Variants in ATL2 observed in about 807,000 individuals in gnomAD.
ATL2 encodes atlastin GTPase 2, also known as atlastin-2.
Under a neutral mutation model 73.9 loss-of-function variants are expected in ATL2, and 31 were observed. That is an observed-to-expected ratio of 0.42 (90% CI 0.32 to 0.57). The LOEUF (loss-of-function observed/expected upper bound fraction) is 0.57. Among genes scored for constraint, ATL2 ranks in the 20% least tolerant of loss-of-function variants. The pLI is 0.14. For synonymous variants in ATL2, 291 were observed against 237.5 expected, an observed-to-expected ratio of 1.23 and a Z score of -2.07; for missense variants, 738 against 702.6, an observed-to-expected ratio of 1.05 and a Z score of -0.57.
At chr2:38,299,216 C>A in intron 11 of ATL2, 40 bp downstream of exon 11, 1 of 1,446,710 alleles carries the variant, frequency 6.9e-7, no homozygotes. Context: ...ATTTAAAAAT[C>A]TTCTCACTCC....
At chr2:38,348,453 C>T (rs991296616) in intron 1 of ATL2, among the ~76,000 whole-genome samples, 1 of 146,954 alleles carries the variant, frequency 6.8e-6, no homozygotes, top group Non-Finnish European at 1.5e-5. Flanking sequence ...GCAACAAGAG[C>T]GAAACTCCAT....
At chr2:38,327,413 T>G (rs1668725640) in intron 2 of ATL2, among the ~76,000 whole-genome samples, 1 of 151,056 alleles carries the variant, frequency 6.6e-6, no homozygotes, top group Admixed American at 6.6e-5. Context: ...CATTGCAAAC[T>G]CCAGGCAGCC....
intron 2 of ATL2, among the ~76,000 whole-genome samples, chr2:38,321,481 C>G (rs997301536): frequency 6.6e-6 from 1 of 152,108 alleles, no homozygotes; most frequent in Non-Finnish European, 1.5e-5. Context: ...ATTATTTTGA[C>G]ACTCCCCGGA....
chr2:38,300,402 AT>A, intron 9 of ATL2, 74 bp from the exon 10 acceptor site: 1 of 1,018,472 alleles, frequency 9.8e-7, no homozygotes, highest in Non-Finnish European at 1.5e-6. Flanking sequence ...AAGAAAAGTC[AT>A]TAAATATAAA....
At chr2:38,334,163 G>A (rs1018227711) in intron 2 of ATL2, among the ~76,000 whole-genome samples, 2 of 151,044 alleles carry the variant, frequency 1.3e-5, no homozygotes, top group East Asian at 2.0e-4. Context: ...CTGAGTAGCT[G>A]AGATTACAGG....
At chr2:38,330,216 TAAA>T (rs57775676) in intron 2 of ATL2, among the ~76,000 whole-genome samples, 1 of 122,586 alleles carries the variant, frequency 8.2e-6, no homozygotes, top group Admixed American at 8.2e-5. Flanking sequence ...ATTCAGGATT[TAAA>T]AAAAAAAAAA....
intron 2 of ATL2, among the ~76,000 whole-genome samples, chr2:38,323,349 GT>G (rs1229668962): frequency 5.2e-4 from 39 of 75,266 alleles, no homozygotes; most frequent in Middle Eastern, 8.9e-3. Flanking sequence ...ATCACCAGAA[GT>G]TTTTTTTTTT....
intron 1 of ATL2, among the ~76,000 whole-genome samples, chr2:38,368,018 T>G (rs1179503961): frequency 2.7e-5 from 4 of 150,106 alleles, no homozygotes; most frequent in African/African-American, 9.9e-5. Context: ...CACTGCAAGC[T>G]CCACCTTCCG....
chr2:38,299,735 C>T (rs767761681), intron 10 of ATL2, among the ~76,000 whole-genome samples: 12 of 152,108 alleles, frequency 7.9e-5, no homozygotes, highest in Admixed American at 7.2e-4. Flanking sequence ...GAAGTTTTAT[C>T]GGCAAATACT....
intron 8 of ATL2, 27 bp from the exon 9 acceptor site, chr2:38,309,533 A>G (rs1667633877): frequency 6.3e-6 from 10 of 1,595,382 alleles, no homozygotes; most frequent in East Asian, 2.2e-5. Context: ...TGAGCAACAT[A>G]TTAGTCCAAA....
intron 1 of ATL2, among the ~76,000 whole-genome samples, chr2:38,361,021 C>G (rs1670982916): frequency 6.6e-6 from 1 of 151,832 alleles, no homozygotes; most frequent in Non-Finnish European, 1.5e-5. Flanking sequence ...TAAATATTTA[C>G]ATATGGATAA....
At chr2:38,348,142 T>C (rs1446628096) in intron 1 of ATL2, among the ~76,000 whole-genome samples, 2 of 152,020 alleles carry the variant, frequency 1.3e-5, no homozygotes, top group Non-Finnish European at 2.9e-5. Context: ...TCAAGAGTAT[T>C]AAGTATACGT....
chr2:38,319,905 C>A (rs889715908), intron 2 of ATL2, among the ~76,000 whole-genome samples: 2 of 151,454 alleles, frequency 1.3e-5, no homozygotes, highest in Non-Finnish European at 2.9e-5. Flanking sequence ...GTCAGGAGTT[C>A]GAGACCAGCC....
At chr2:38,366,961 G>A (rs1671364224) in intron 1 of ATL2, among the ~76,000 whole-genome samples, 1 of 151,976 alleles carries the variant, frequency 6.6e-6, no homozygotes, top group Non-Finnish European at 1.5e-5. Context: ...ATAACTTTGT[G>A]CACTTAGTAC....
Position 38,319,036 on chromosome 2 carries a change from T to A in ATL2, c.364-17A>T. On this transcript the variant is annotated splice_polypyrimidine_tract_variant and intron_variant, in intron 2 of 12. Coordinates refer to ENST00000378954, the MANE Select transcript of ATL2 (RefSeq NM_001135673.4). Reference sequence around the variant, plus strand: ...TTGAGAATCCTGTTAAAGTCAAGGATAAATGTAAAATACAACACAATTAAG... The same window carrying A: ...TTGAGAATCCTGTTAAAGTCAAGGAAAAATGTAAAATACAACACAATTAAG... The A allele has an allele frequency of 2.5e-6, 4 of 1,606,820 alleles. No homozygotes were observed. The highest frequency in any genetic ancestry group is 3.4e-6 in the Non-Finnish European group (4 of 1,177,266).
intron 2 of ATL2, among the ~76,000 whole-genome samples, chr2:38,329,039 C>T (rs1172915302): frequency 6.9e-6 from 1 of 144,426 alleles, no homozygotes; most frequent in Non-Finnish European, 1.5e-5. Flanking sequence ...TCTATGCCCA[C>T]AAAGTTAGTA....
At chr2:38,309,178 C>A (rs1231565339) in intron 9 of ATL2, among the ~76,000 whole-genome samples, 1 of 152,094 alleles carries the variant, frequency 6.6e-6, no homozygotes, top group Non-Finnish European at 1.5e-5. Flanking sequence ...TAAATTAAAT[C>A]ACTGTCTAGG....
intron 2 of ATL2, among the ~76,000 whole-genome samples, chr2:38,322,137 T>G (rs1424507114): frequency 6.6e-6 from 1 of 152,020 alleles, no homozygotes; most frequent in African/African-American, 2.4e-5. Context: ...CCTATCAAAG[T>G]GCCTTGCACT....
Position 38,310,417 on chromosome 2 carries a change from T to A in ATL2, c.835A>T (p.Asn279Tyr). ...VKQNQHEELQ[N>Y]VRKHIHNCFS... The stretch of plus-strand genomic sequence containing the variant: ...CAATTGTGTATGTGCTTCCTTACAT[T>A]CTGAAGCTCTTCATGTTGATTTTGT... The change falls in exon 8 of 13, where the codon AAT becomes TAT. Residue 279 changes from asparagine (N) to tyrosine (Y), a missense_variant. By Grantham distance (143) the Asn-to-Tyr change is moderately radical. Coordinates refer to ENST00000378954, the MANE Select transcript of ATL2 (RefSeq NM_001135673.4). 1.9e-6 allele frequency: 3 copies of A among 1,605,628 alleles called. No individual in the cohort carries two copies. The highest frequency in any genetic ancestry group is 1.7e-6 in the Non-Finnish European group (2 of 1,176,742).
Sources: allele counts gnomAD v4.1 joint callset (sites outside exome capture counted in the v4.1 genomes callset), GRCh38; gene constraint gnomAD v4.1.1; transcripts MANE v1.5; gene names NCBI Gene and HGNC (gene_info 2026-07-23, HGNC 2026-07-21).